Variants in CYB5R4 observed in about 807,000 individuals in gnomAD.
The protein encoded by CYB5R4 is N-terminal cytochrome b5 and cytochrome b5 oxidoreductase domain-containing protein.
In CYB5R4, 55 loss-of-function variants were observed where a neutral mutation model predicts 70.2. That is an observed-to-expected ratio of 0.78 (90% CI 0.63 to 0.98). The LOEUF (loss-of-function observed/expected upper bound fraction) is 0.98. CYB5R4 is among the 50% of genes least tolerant of loss of function. The pLI is 0.00. For missense variants in CYB5R4, 562 were observed against 612.6 expected, an observed-to-expected ratio of 0.92 and a Z score of 0.87; for synonymous variants, 197 against 199.5, an observed-to-expected ratio of 0.99 and a Z score of 0.11.
chr6:83,946,639 T>C (rs2099470663), intron 14 of CYB5R4, among the ~76,000 whole-genome samples: 1 of 152,176 alleles, frequency 6.6e-6, no homozygotes, highest in South Asian at 2.1e-4. Flanking sequence ...TTATCTCTGT[T>C]TCCAGATGAC....
chr6:83,917,438 C>T (rs1478671673), intron 5 of CYB5R4, among the ~76,000 whole-genome samples: 1 of 152,036 alleles, frequency 6.6e-6, no homozygotes, highest in Non-Finnish European at 1.5e-5. Context: ...TTTATATCAA[C>T]ACTGTGTATA....
rs779768533 is a variant in CYB5R4 at position 83,924,612 on chromosome 6, T to TA, written c.814+21dup. 10 of 1,606,898 alleles carry TA rather than the reference T, an allele frequency of 6.2e-6. No individual in the cohort carries two copies. The East Asian group carries it at 9.0e-5, about 14-fold the overall frequency. On this transcript the variant is annotated intron_variant, in intron 10 of 15. Transcript: ENST00000369681. ...ATACAGGTATGCTGTGTTCTTTTGTTACGTTAATTTCACATTCATGAAATT... is the reference window on the plus strand; with the variant it reads ...ATACAGGTATGCTGTGTTCTTTTGTTAACGTTAATTTCACATTCATGAAATT...
intron 10 of CYB5R4, among the ~76,000 whole-genome samples, chr6:83,933,535 T>C (rs938493107): frequency 1.4e-4 from 22 of 152,136 alleles, no homozygotes; most frequent in Non-Finnish European, 3.1e-4. Flanking sequence ...AAAAAGAGAA[T>C]AGAGTAAGAA....
At chr6:83,944,956 A>G (rs1309608042) in intron 14 of CYB5R4, among the ~76,000 whole-genome samples, 1 of 152,078 alleles carries the variant, frequency 6.6e-6, no homozygotes, top group East Asian at 1.9e-4. Flanking sequence ...ACGAAGAGAC[A>G]CTTTCACACA....
chr6:83,915,772 G>A (rs1036843139), intron 5 of CYB5R4, among the ~76,000 whole-genome samples: 4 of 152,148 alleles, frequency 2.6e-5, no homozygotes, highest in Non-Finnish European at 4.4e-5. Flanking sequence ...TTAAGTCTAT[G>A]TGGTATGTCT....
chr6:83,935,911 A>G (rs1038289508), intron 11 of CYB5R4, among the ~76,000 whole-genome samples: 180 of 152,016 alleles, frequency 1.2e-3, no homozygotes, highest in African/African-American at 4.2e-3. Flanking sequence ...GTAGCCCATT[A>G]CAAAGTTTAT....
In CYB5R4 at chr6:83,890,740, A is replaced by G. The variant is rs139397201; in HGVS notation, c.230-2782A>G. 3.8e-4 allele frequency among the ~76,000 whole-genome samples: 58 copies of G among 152,252 alleles called. No individual in the cohort carries two copies. In the East Asian group the frequency reaches 9.5e-3, roughly 25 times the overall value. On this transcript the variant is annotated intron_variant, in intron 2 of 15. Coordinates refer to ENST00000369681, the MANE Select transcript of CYB5R4 (RefSeq NM_016230.4). ...CTTATTTTAAGAAATTGTCACCGCC[A>G]CCTCAGCCTTAAGCACCCAACATGC...
intron 14 of CYB5R4, among the ~76,000 whole-genome samples, chr6:83,952,198 AATAGAAG>A (rs1263743212): frequency 1.3e-5 from 2 of 152,170 alleles, no homozygotes; most frequent in African/African-American, 2.4e-5. Context: ...TATATGCACC[AATAGAAG>A]ATAGAAGACA....
intron 2 of CYB5R4, among the ~76,000 whole-genome samples, chr6:83,876,862 T>G (rs971209979): frequency 2.0e-5 from 3 of 151,938 alleles, no homozygotes; most frequent in Admixed American, 6.6e-5. Context: ...TCAGACAGAG[T>G]CTTGCTCTGT....
At chr6:83,922,129 C>T (rs1322714777) in intron 8 of CYB5R4, among the ~76,000 whole-genome samples, 1 of 152,172 alleles carries the variant, frequency 6.6e-6, no homozygotes, top group Non-Finnish European at 1.5e-5. Context: ...GTAGCCTGCT[C>T]CTCTCTTGGT....
At chr6:83,906,776 C>T (rs1404935791) in intron 3 of CYB5R4, among the ~76,000 whole-genome samples, 7 of 152,162 alleles carry the variant, frequency 4.6e-5, no homozygotes, top group Non-Finnish European at 1.5e-5. Context: ...CAACTATCTT[C>T]TTTCTATACT....
intron 10 of CYB5R4, among the ~76,000 whole-genome samples, chr6:83,932,656 T>C (rs980482340): frequency 3.6e-5 from 5 of 139,836 alleles, no homozygotes; most frequent in African/African-American, 1.6e-4. Context: ...CCTCTTTCTT[T>C]CAACTTCACC....
intron 2 of CYB5R4, among the ~76,000 whole-genome samples, chr6:83,885,911 A>G (rs2099460184): frequency 6.6e-6 from 1 of 152,230 alleles, no homozygotes. Flanking sequence ...AAACGAAAAT[A>G]TAAGTCCACA....
chr6:83,860,692 T>G (rs745918558), intron 1 of CYB5R4, among the ~76,000 whole-genome samples: 1 of 152,220 alleles, frequency 6.6e-6, no homozygotes, highest in Non-Finnish European at 1.5e-5. Flanking sequence ...AGTCTTAGCA[T>G]CGTTTGGAAC....
intron 14 of CYB5R4, among the ~76,000 whole-genome samples, chr6:83,944,130 C>T (rs2099470213): frequency 6.6e-6 from 1 of 152,000 alleles, no homozygotes; most frequent in African/African-American, 2.4e-5. Flanking sequence ...AGGACATAAT[C>T]GTCAGATTCA....
At chr6:83,898,925 C>A (rs1438933598) in intron 3 of CYB5R4, among the ~76,000 whole-genome samples, 1 of 146,080 alleles carries the variant, frequency 6.8e-6, no homozygotes, top group Non-Finnish European at 1.5e-5. Context: ...GACAATTTGA[C>A]TTCCTCTTTT....
At chr6:83,898,124 T>G (rs1233408876) in intron 3 of CYB5R4, among the ~76,000 whole-genome samples, 1 of 152,234 alleles carries the variant, frequency 6.6e-6, no homozygotes, top group East Asian at 1.9e-4. Context: ...TTAATCCATC[T>G]TGAATTAATT....
intron 2 of CYB5R4, among the ~76,000 whole-genome samples, chr6:83,870,178 T>C (rs2099457360): frequency 6.6e-6 from 1 of 152,228 alleles, no homozygotes; most frequent in Non-Finnish European, 1.5e-5. Context: ...TTGTATTTTT[T>C]ACTAGTAGCA....
At chr6:83,897,860 G>A (rs1468965229) in intron 3 of CYB5R4, among the ~76,000 whole-genome samples, 2 of 152,064 alleles carry the variant, frequency 1.3e-5, no homozygotes, top group Non-Finnish European at 2.9e-5. Context: ...CACTCTGATG[G>A]TAGTTTCTTT....
Sources: gnomAD v4.1 joint callset for allele counts (sites outside exome capture counted in the v4.1 genomes callset) on GRCh38, gnomAD v4.1.1 for gene constraint, MANE v1.5 for transcripts, NCBI Gene and HGNC (gene_info 2026-07-23, HGNC 2026-07-21) for gene names.